The following USO1 variants were observed in gnomAD, a reference collection of about 807,000 sequenced individuals.
USO1 encodes USO1 vesicle transport factor.
A neutral mutation model predicts 124.5 loss-of-function variants in USO1; 57 were observed. That is an observed-to-expected ratio of 0.46 (90% CI 0.37 to 0.57). The LOEUF is 0.57. Among genes scored for constraint, USO1 ranks in the 20% least tolerant of loss-of-function variants. The pLI is 0.00. For synonymous variants in USO1, 369 were observed against 362.8 expected (o/e 1.02, Z -0.19); for missense variants, 900 against 1,040.6 (o/e 0.86, Z 1.86).
intron 1 of USO1, among the ~76,000 whole-genome samples, chr4:75,743,772 A>G (rs897994314): frequency 7.9e-5 from 12 of 152,132 alleles, no homozygotes; most frequent in African/African-American, 2.9e-4. Context: ...AAAAAATGAC[A>G]TCACATACAA....
In USO1 at chr4:75,774,753, G is replaced by A. The variant is rs199728160; in HGVS notation, c.633G>A (p.Glu211=). 4.3e-4 allele frequency: 692 copies of A among 1,613,630 alleles called. No individual in the cohort carries two copies. The highest frequency in any genetic ancestry group is 3.2e-4 in the Non-Finnish European group (373 of 1,179,756). The change falls in exon 8 of 24, where the codon GAG becomes GAA. Residue 211 remains glutamate (E), a synonymous_variant. Transcript: ENST00000514213. ...TTGTTGCTTTTGAAAATGCTTTCGA[G>A]AGACTACTGGACATTATTTCAGAGG... is the stretch of plus-strand genomic sequence containing the variant. ...QKIVAFENAF[E]RLLDIISEEG... is the part of the protein sequence containing the mutation.
chr4:75,731,685 A>C (rs996197184), intron 1 of USO1, among the ~76,000 whole-genome samples: 1 of 152,232 alleles, frequency 6.6e-6, no homozygotes, highest in African/African-American at 2.4e-5. Flanking sequence ...CTGTTTTAGG[A>C]AGGTACAACT....
intron 1 of USO1, among the ~76,000 whole-genome samples, chr4:75,746,959 A>C (rs2149149203): frequency 6.6e-6 from 1 of 152,348 alleles, no homozygotes; most frequent in African/African-American, 2.4e-5. Context: ...AATACAAAGA[A>C]GTCATAAGCT....
rs1560465499 is a variant in USO1 at position 75,813,275 on chromosome 4, A to G, written c.2869A>G (p.Lys957Glu). The change falls in exon 24 of 24, where the codon AAG (lysine) becomes GAG (glutamate). Residue 957 changes from lysine to glutamate, a missense_variant. Lys to Glu is a moderately conservative substitution (Grantham distance 56). This residue lies in a region of USO1 where 362 missense variants were observed against 359.0 expected (regional missense o/e 1.01). Transcript: ENST00000514213. ...GGATGATGAAAGTGAAGATCCTGGCAAGGATCTAGATCATATCTAGTTTTC... is the reference window on the plus strand; with the variant it reads ...GGATGATGAAAGTGAAGATCCTGGCGAGGATCTAGATCATATCTAGTTTTC... ...DEDDESEDPGKDLDHI is the reference protein window; with the variant it reads ...DEDDESEDPGEDLDHI 3 of 1,610,610 alleles carry G rather than the reference A, an allele frequency of 1.9e-6. No individual in the cohort carries two copies. Among genetic ancestry groups the G allele is most frequent in the Non-Finnish European group, 1.7e-6 (2 of 1,178,684 alleles).
Position 75,812,156 on chromosome 4 carries a change from C to T in USO1, c.2584-4C>T. 1 of 1,593,654 alleles carries T rather than the reference C, an allele frequency of 6.3e-7. No homozygotes were observed. The highest frequency in any genetic ancestry group is 8.5e-7 in the Non-Finnish European group (1 of 1,169,722). Reference sequence around the variant, plus strand: ...ATTCCTGCCTTTCACCTTTCTTTTCCTAGAATGAAATTAAAGCTCTGTCTG... The same window carrying T: ...ATTCCTGCCTTTCACCTTTCTTTTCTTAGAATGAAATTAAAGCTCTGTCTG... On this transcript the variant is annotated splice_polypyrimidine_tract_variant and splice_region_variant and intron_variant, in intron 22 of 23. Transcript: ENST00000514213.
At chr4:75,805,418 C>T in intron 19 of USO1, 115 bp downstream of exon 19, 1 of 1,374,370 alleles carries the variant, frequency 7.3e-7, no homozygotes, top group Non-Finnish European at 9.6e-7. Flanking sequence ...TAAGATTTTA[C>T]AGGATGGGCC....
rs756148807 is a variant in USO1 at position 75,805,168 on chromosome 4, C to T, written c.2154C>T (p.Tyr718=). 1 of 1,606,710 alleles carries T rather than the reference C, an allele frequency of 6.2e-7. No individual in the cohort carries two copies. The highest frequency in any genetic ancestry group is 1.1e-5 in the South Asian group (1 of 89,598). ...LGKDNQHQGS[Y]SEGAQMNGIQ... ...AAGACAATCAGCATCAAGGTTCTTA[C>T]AGTGAGGGGGCTCAGATGAATGGCA... Residue 718 remains tyrosine, a synonymous_variant, in exon 19 of 24, where the codon TAC becomes TAT. Transcript: ENST00000514213.
chr4:75,770,307 G>A (rs1721884743), intron 4 of USO1, 132 bp from the exon 5 acceptor site: 1 of 697,206 alleles, frequency 1.4e-6, no homozygotes, highest in South Asian at 3.7e-5. Flanking sequence ...TTGTGATATT[G>A]CTACCAGCCA....
At chr4:75,738,282 C>T (rs1720853168) in intron 1 of USO1, among the ~76,000 whole-genome samples, 1 of 151,812 alleles carries the variant, frequency 6.6e-6, no homozygotes, top group African/African-American at 2.4e-5. Context: ...CATGGTCAAA[C>T]CCCATCTCTA....
chr4:75,769,128 T>C lies in USO1; in HGVS notation c.296-1311T>C, dbSNP rs1489097381. On this transcript the variant is annotated intron_variant, in intron 4 of 23. Coordinates refer to ENST00000514213, the MANE Select transcript of USO1 (RefSeq NM_003715.4). ...AAATCATAATCCTTTGTAATAAAAA[T>C]TATGACATCTAAGGTCTAAGCCACC... 2.6e-5 allele frequency among the ~76,000 whole-genome samples: 4 copies of C among 152,180 alleles called. No individual in the cohort carries two copies. In the East Asian group the frequency reaches 7.7e-4, roughly 29 times the overall value.
chr4:75,732,361 A>C (rs1036768576), intron 1 of USO1, among the ~76,000 whole-genome samples: 1 of 152,218 alleles, frequency 6.6e-6, no homozygotes, highest in Non-Finnish European at 1.5e-5. Context: ...ATGTCGACAT[A>C]GTATTCCATG....
chr4:75,813,408 AC>A lies in USO1; in HGVS notation c.*114del. 1 of 1,117,702 alleles carries A rather than the reference AC, an allele frequency of 8.9e-7. No homozygotes were observed. Among genetic ancestry groups the A allele is most frequent in the Non-Finnish European group, 1.2e-6 (1 of 844,656 alleles). 69.2% of individuals were successfully genotyped at this position (1,117,702 alleles called of 1,614,324 possible). ...TTTAGAAACCAGGTGGAAAACATTCACTATTAAGACTATTGATATATTTTTG... is the reference window on the plus strand; with the variant it reads ...TTTAGAAACCAGGTGGAAAACATTCATATTAAGACTATTGATATATTTTTG... On this transcript the variant is annotated 3_prime_UTR_variant, in exon 24 of 24. Coordinates refer to ENST00000514213, the MANE Select transcript of USO1 (RefSeq NM_003715.4).
At chr4:75,797,664 T>C (rs1484805523) in intron 13 of USO1, among the ~76,000 whole-genome samples, 1 of 151,876 alleles carries the variant, frequency 6.6e-6, no homozygotes, top group Non-Finnish European at 1.5e-5. Context: ...TTTTTTGAAA[T>C]GGAGTCTCAC....
intron 9 of USO1, among the ~76,000 whole-genome samples, chr4:75,785,219 A>C (rs969874485): frequency 1.3e-5 from 2 of 152,202 alleles, no homozygotes; most frequent in Non-Finnish European, 2.9e-5. Context: ...GGAACTATTC[A>C]TCATCACAGT....
intron 1 of USO1, among the ~76,000 whole-genome samples, chr4:75,745,861 C>T (rs1721109361): frequency 6.6e-6 from 1 of 151,920 alleles, no homozygotes; most frequent in Non-Finnish European, 1.5e-5. Context: ...AATTGTACCA[C>T]TGCACTCCAG....
chr4:75,794,526 G>A (rs1421581948), intron 13 of USO1, among the ~76,000 whole-genome samples: 2 of 152,108 alleles, frequency 1.3e-5, no homozygotes, highest in Non-Finnish European at 1.5e-5. Context: ...TTTTTGTTAT[G>A]TGATTTCCCC....
chr4:75,773,098 CA>C (rs911545294), intron 7 of USO1, among the ~76,000 whole-genome samples: 2 of 150,588 alleles, frequency 1.3e-5, no homozygotes, highest in Non-Finnish European at 1.5e-5. Context: ...AACTCTGTCT[CA>C]AAAAAAAATA....
intron 13 of USO1, chr4:75,795,229 C>T: frequency 1.5e-6 from 1 of 666,416 alleles, no homozygotes; most frequent in South Asian, 1.7e-5. Flanking sequence ...AAATTATTGG[C>T]TTGAGTTTGT....
chr4:75,744,790 G>A (rs1215409049), intron 1 of USO1: 1 of 323,404 alleles, frequency 3.1e-6, no homozygotes, highest in East Asian at 1.0e-4. Context: ...TGCTGTGTAA[G>A]TGTATAAAAT....
Sources: gnomAD v4.1 joint callset for allele counts (sites outside exome capture counted in the v4.1 genomes callset) on GRCh38, gnomAD v4.1.1 for gene constraint, gnomAD v4.1.1 regional missense constraint, MANE v1.5 for transcripts, NCBI Gene and HGNC (gene_info 2026-07-23, HGNC 2026-07-21) for gene names.